EMSY: variants seen among roughly 807,000 people sequenced by gnomAD.
The protein encoded by EMSY is EMSY transcriptional repressor, BRCA2 interacting, also known as BRCA2-interacting transcriptional repressor EMSY.
A neutral mutation model predicts 134.6 loss-of-function variants in EMSY; 26 were observed. The observed-to-expected ratio is 0.19, with a 90% CI of 0.14 to 0.27. The LOEUF (loss-of-function observed/expected upper bound fraction) is 0.27, where lower values mean the gene tolerates loss of function less well. Ranked by LOEUF, EMSY falls within the 10% of genes least tolerant of loss-of-function variation. EMSY has a pLI of 1.00. For missense variants in EMSY, 1,305 were observed against 1,611.4 expected, an observed-to-expected ratio of 0.81 and a Z score of 3.26; for synonymous variants, 579 against 577.8, an observed-to-expected ratio of 1.00 and a Z score of -0.03.
At chr11:76,543,839 A>C (rs1951537112) in intron 18 of EMSY, among the ~76,000 whole-genome samples, 1 of 152,162 alleles carries the variant, frequency 6.6e-6, no homozygotes, top group Non-Finnish European at 1.5e-5. Flanking sequence ...CTGGACCTAC[A>C]CATAGCCATG....
At chr11:76,479,977 C>T (rs757274121) in intron 8 of EMSY, among the ~76,000 whole-genome samples, 3 of 152,074 alleles carry the variant, frequency 2.0e-5, no homozygotes, top group African/African-American at 4.8e-5. Context: ...ATTCAACAGG[C>T]CATTTGCAGA....
chr11:76,510,806 G>A (rs989635728), intron 9 of EMSY, among the ~76,000 whole-genome samples: 6 of 152,190 alleles, frequency 3.9e-5, no homozygotes, highest in African/African-American at 1.4e-4. Flanking sequence ...CTGGGAGCTG[G>A]CAGAGAAGGA....
At chr11:76,463,898 C>G (rs1367348794) in exon 7 of EMSY, 3 of 1,614,194 alleles carry the variant, frequency 1.9e-6, no homozygotes, top group Middle Eastern at 1.6e-4. Flanking sequence ...TCCTGTTGTT[C>G]TAAAGGAAGT....
At chr11:76,550,191 G>A (rs1951797344) in exon 21 of EMSY, 1 of 1,472,370 alleles carries the variant, frequency 6.8e-7, no homozygotes, top group African/African-American at 1.4e-5. Context: ...TGGTTACCAA[G>A]TGTCCAGGGA....
intron 9 of EMSY, among the ~76,000 whole-genome samples, chr11:76,507,349 C>T (rs1408847763): frequency 1.3e-5 from 2 of 152,082 alleles, no homozygotes; most frequent in African/African-American, 2.4e-5. Context: ...ATTGATTTTT[C>T]CTTCTGTAAA....
intron 15 of EMSY, 144 bp from the exon 17 acceptor site, chr11:76,537,651 T>C (rs1951274192): frequency 1.5e-6 from 1 of 673,694 alleles, no homozygotes; most frequent in Admixed American, 3.3e-5. Context: ...CATAGCAATC[T>C]GCTTTTTTCT....
intron 6 of EMSY, among the ~76,000 whole-genome samples, chr11:76,462,347 A>C (rs949105109): frequency 6.6e-6 from 1 of 152,234 alleles, no homozygotes; most frequent in Non-Finnish European, 1.5e-5. Context: ...TTATTGCTTT[A>C]TGCTCAGAAG....
chr11:76,468,164 T>A (rs1354643349), intron 7 of EMSY, among the ~76,000 whole-genome samples: 1 of 152,106 alleles, frequency 6.6e-6, no homozygotes, highest in East Asian at 1.9e-4. Context: ...ATATATTTAT[T>A]TTTATTTTTT....
chr11:76,531,771 C>T (rs2136440386), intron 14 of EMSY, among the ~76,000 whole-genome samples: 1 of 152,268 alleles, frequency 6.6e-6, no homozygotes, highest in Admixed American at 6.5e-5. Context: ...ATTCTTTGCA[C>T]ATTTAATAGT....
intron 6 of EMSY, among the ~76,000 whole-genome samples, chr11:76,462,499 A>G (rs1035500335): frequency 2.6e-5 from 4 of 152,244 alleles, no homozygotes; most frequent in South Asian, 2.1e-4. Flanking sequence ...TATGTAGACA[A>G]TCACATTGCC....
intron 2 of EMSY, among the ~76,000 whole-genome samples, chr11:76,450,394 A>T (rs1947611290): frequency 6.6e-6 from 1 of 152,132 alleles, no homozygotes; most frequent in South Asian, 2.1e-4. Context: ...GTCCTTCAAG[A>T]GTGACCACCA....
chr11:76,506,230 C>A (rs570026342), intron 9 of EMSY, among the ~76,000 whole-genome samples: 1 of 152,048 alleles, frequency 6.6e-6, no homozygotes, highest in South Asian at 2.1e-4. Context: ...ACCTGGCAAA[C>A]CCTGCACACA....
chr11:76,547,425 C>T (rs1379010923), intron 20 of EMSY, among the ~76,000 whole-genome samples: 4 of 152,104 alleles, frequency 2.6e-5, no homozygotes, highest in Non-Finnish European at 5.9e-5. Context: ...TAAATATTTC[C>T]TGACAAAAGG....
At chr11:76,471,975 G>A (rs1948589330) in intron 7 of EMSY, among the ~76,000 whole-genome samples, 1 of 152,104 alleles carries the variant, frequency 6.6e-6, no homozygotes, top group Non-Finnish European at 1.5e-5. Context: ...CTGTTCATAT[G>A]TCACCTTACT....
At chr11:76,471,357 T>C (rs1432243368) in intron 7 of EMSY, among the ~76,000 whole-genome samples, 1 of 152,206 alleles carries the variant, frequency 6.6e-6, no homozygotes, top group Non-Finnish European at 1.5e-5. Flanking sequence ...GTCTCCTTTA[T>C]TCTGAACATT....
chr11:76,446,319 G>GTGTATATATATATCTATATATATA (rs1176761237), intron 1 of EMSY, among the ~76,000 whole-genome samples: 1 of 114,324 alleles, frequency 8.7e-6, no homozygotes, highest in African/African-American at 3.5e-5. Flanking sequence ...ATATGTGTGT[G>GTGTATATATATATCTATATATATA]TGTGTATATA....
intron 17 of EMSY, 152 bp downstream of exon 18, chr11:76,539,792 T>C: frequency 1.3e-6 from 1 of 751,374 alleles, no homozygotes; most frequent in South Asian, 1.7e-5. Flanking sequence ...TTTTGTAGAA[T>C]AGTGGAATTC....
At chr11:76,468,428 C>G (rs1422819830) in intron 7 of EMSY, among the ~76,000 whole-genome samples, 2 of 152,152 alleles carry the variant, frequency 1.3e-5, no homozygotes, top group African/African-American at 2.4e-5. Context: ...TACTCTTTTA[C>G]TTCTTGTGTA....
At chr11:76,496,521 T>C in intron 9 of EMSY, 52 bp downstream of exon 10, 1 of 1,592,522 alleles carries the variant, frequency 6.3e-7, no homozygotes, top group Non-Finnish European at 8.6e-7. Flanking sequence ...TTCACCAGTT[T>C]TTTTAGTCTT....
Sources: allele counts gnomAD v4.1 joint callset (sites outside exome capture counted in the v4.1 genomes callset), GRCh38; gene constraint gnomAD v4.1.1; transcripts MANE v1.5; gene names NCBI Gene and HGNC (gene_info 2026-07-23, HGNC 2026-07-21).